Variants in SPTBN4 observed in about 807,000 individuals in gnomAD.
SPTBN4 encodes spectrin beta chain, non-erythrocytic 4.
A neutral mutation model predicts 277.8 loss-of-function variants in SPTBN4; 96 were observed. The ratio of observed to expected loss-of-function variants is 0.35; its 90% confidence interval spans 0.29 to 0.41. SPTBN4 has a LOEUF of 0.41. SPTBN4 is among the 10% of genes least tolerant of loss of function. The pLI is 1.00. For missense variants in SPTBN4, 3,006 were observed against 3,595.7 expected, an observed-to-expected ratio of 0.84 and a Z score of 4.19; for synonymous variants, 1,481 against 1,580.3, an observed-to-expected ratio of 0.94 and a Z score of 1.49.
chr19:40,556,338 C>G, intron 25 of SPTBN4, 50 bp downstream of exon 25: 1 of 1,519,932 alleles, frequency 6.6e-7, no homozygotes, highest in South Asian at 1.2e-5. Context: ...CTAAGGTTCT[C>G]TGGGCCTTAG....
chr19:40,557,399 C>T lies in SPTBN4; in HGVS notation c.5666C>T (p.Ser1889Phe), dbSNP rs1450343722. The T allele has an allele frequency of 2.6e-6, 4 of 1,557,462 alleles. No individual in the cohort carries two copies. The Admixed American group carries it at 7.5e-5, about 29-fold the overall frequency. The change falls in exon 26 of 36, where the codon TCC (serine) becomes TTC (phenylalanine). Residue 1889 changes from serine (S) to phenylalanine (F), a missense_variant. Ser to Phe is a radical substitution (Grantham distance 155, BLOSUM62 -2). This residue lies in a region of SPTBN4 where 425 missense variants were observed against 594.7 expected (regional missense o/e 0.71). Coordinates refer to ENST00000598249, the MANE Select transcript of SPTBN4 (RefSeq NM_020971.3). ...AFEHDLQLLV[S>F]QVRQLQEGAA... ...GAGCATGACCTGCAGCTCCTCGTGT[C>T]CCAGGTGGGGCGCCGGTGGCCATCA... is the stretch of plus-strand genomic sequence containing the variant.
intron 13 of SPTBN4, among the ~76,000 whole-genome samples, chr19:40,507,573 G>A (rs535759852): frequency 1.3e-5 from 2 of 152,144 alleles, no homozygotes; most frequent in African/African-American, 2.4e-5. Flanking sequence ...GGCCAGGCAC[G>A]GTGGCTCATG....
intron 22 of SPTBN4, among the ~76,000 whole-genome samples, chr19:40,553,209 GTGGC>G (rs2080938001): frequency 6.6e-6 from 1 of 152,248 alleles, no homozygotes; most frequent in Admixed American, 6.5e-5. Context: ...GCCGGGCACA[GTGGC>G]TCATGCTTAT....
Position 40,490,295 on chromosome 19 carries a change from G to A in SPTBN4, c.495+47G>A. ...CCAAGCCCCGCAACATGGGACTTAG[G>A]AAAGCGTTCCCCACCATTTACCCAT... On this transcript the variant is annotated intron_variant, in intron 4 of 35. Transcript: ENST00000598249. This position sits in a 1 kb window ranked among gnomAD's most constrained non-coding sequence, Gnocchi z 4.3. 2 of 1,577,286 alleles carry A rather than the reference G, an allele frequency of 1.3e-6. No homozygotes were observed. The highest frequency in any genetic ancestry group is 1.7e-6 in the Non-Finnish European group (2 of 1,159,216).
intron 18 of SPTBN4, chr19:40,530,610 G>T (rs2080655308): frequency 4.1e-6 from 4 of 974,196 alleles, no homozygotes; most frequent in Non-Finnish European, 4.9e-6. Context: ...GCGCCCAGGG[G>T]AGGGGGTTGG....
At chr19:40,507,402 G>C (rs534975037) in intron 13 of SPTBN4, among the ~76,000 whole-genome samples, 16 of 152,072 alleles carry the variant, frequency 1.1e-4, no homozygotes, top group African/African-American at 3.9e-4. Flanking sequence ...GCTCAAGGGT[G>C]CTTTTAGGAC....
At position 40,519,956 on chromosome 19, in the gene SPTBN4, C is replaced by T; in HGVS notation, c.3459C>T (p.Ser1153=). Residue 1153 remains serine (S), a synonymous_variant, in exon 16 of 36, where the codon AGC becomes AGT. Coordinates refer to ENST00000598249, the MANE Select transcript of SPTBN4 (RefSeq NM_020971.3). The surrounding 1 kb of genome is among the most constrained non-coding windows in gnomAD (Gnocchi z 5.7). ...ACTATGCTCGCATCGTGGCGGCCAGCGAGGCGCTGCTGGCCGCCGACGGCG... is the reference window on the plus strand; with the variant it reads ...ACTATGCTCGCATCGTGGCGGCCAGTGAGGCGCTGCTGGCCGCCGACGGCG... ...EEDYARIVAA[S]EALLAADGAE... The T allele has an allele frequency of 6.5e-7, 1 of 1,539,974 alleles. No individual in the cohort carries two copies. The highest frequency in any genetic ancestry group is 8.7e-7 in the Non-Finnish European group (1 of 1,150,784).
chr19:40,548,714 C>CAAAAAA (rs57692095), intron 20 of SPTBN4, among the ~76,000 whole-genome samples: 5 of 117,054 alleles, frequency 4.3e-5, no homozygotes, highest in African/African-American at 1.6e-4. Context: ...GACTCCATCT[C>CAAAAAA]AAAAAAAAAA....
chr19:40,528,100 ACCCTGGGAGGAT>A (rs1217274614), intron 17 of SPTBN4, among the ~76,000 whole-genome samples: 96 of 149,820 alleles, frequency 6.4e-4, no homozygotes, highest in Admixed American at 9.4e-4. Flanking sequence ...TCTCATGGAG[ACCCTGGGAGGAT>A]CTCTAAGGAC....
In SPTBN4 at chr19:40,504,081, G is replaced by T. The variant is rs1297264753; in HGVS notation, c.1614G>T (p.Gln538His). 54 of 1,543,946 alleles carry T rather than the reference G, an allele frequency of 3.5e-5. No individual in the cohort carries two copies. Among genetic ancestry groups the T allele is most frequent in the Non-Finnish European group, 4.8e-5 (54 of 1,132,890 alleles). ...GACTTGAGCAGAACCTTGCCCTGCA[G>T]AAGGTCTTCCAGGAGATGGTGTACA... is the stretch of plus-strand genomic sequence containing the variant. ...RTRLEQNLAL[Q>H]KVFQEMVYMV... The change falls in exon 12 of 36, where the codon CAG becomes CAT. Residue 538 changes from glutamine to histidine, a missense_variant. Coordinates refer to ENST00000598249, the MANE Select transcript of SPTBN4 (RefSeq NM_020971.3).
At chr19:40,572,500 T>C in intron 35 of SPTBN4, 120 bp downstream of exon 35, 2 of 1,309,086 alleles carry the variant, frequency 1.5e-6, no homozygotes, top group Non-Finnish European at 2.2e-6. Context: ...TTATCAGGGC[T>C]GTAATGGGAA....
At chr19:40,511,952 C>T (rs1349752590) in intron 13 of SPTBN4, among the ~76,000 whole-genome samples, 2 of 151,970 alleles carry the variant, frequency 1.3e-5, no homozygotes, top group Non-Finnish European at 2.9e-5. Flanking sequence ...GGTGAAACCC[C>T]GTCTCTACTA....
intron 2 of SPTBN4, among the ~76,000 whole-genome samples, chr19:40,487,209 T>C (rs2080082185): frequency 6.6e-6 from 1 of 151,906 alleles, no homozygotes; most frequent in Admixed American, 6.6e-5. Flanking sequence ...GTTAAGTTTC[T>C]TTTTGTATTT....
chr19:40,497,905 C>T (rs1186384066), intron 7 of SPTBN4, among the ~76,000 whole-genome samples: 1 of 151,756 alleles, frequency 6.6e-6, no homozygotes, highest in African/African-American at 2.4e-5. Flanking sequence ...ACACCCTCCC[C>T]AACCCTGCTT....
Position 40,513,050 on chromosome 19 carries a change from G to T in SPTBN4, c.2261G>T (p.Arg754Leu). The change falls in exon 14 of 36, where the codon CGC (arginine) becomes CTC (leucine). Residue 754 changes from arginine (R) to leucine (L), a missense_variant. Around this residue, in one of 5 missense-constraint regions of SPTBN4, gnomAD observed 1,759 missense variants for 2,061.5 expected, o/e 0.85. Transcript: ENST00000598249. ...GAGCGCGCGGCGAGCGCCCGGCGCC[G>T]CTGGCAGAGGCTGGAAGAGGCGGCG... is the stretch of plus-strand genomic sequence containing the variant. ...LAERAASARR[R>L]WQRLEEAAAR... is the part of the protein sequence containing the mutation. The T allele has an allele frequency of 1.4e-6, 2 of 1,419,496 alleles. No homozygotes were observed. The highest frequency in any genetic ancestry group is 1.8e-6 in the Non-Finnish European group (2 of 1,094,122). 87.9% of individuals were successfully genotyped at this position (1,419,496 alleles called of 1,614,324 possible). A position where few individuals can be genotyped will look rare whatever the true frequency, so the allele number is the denominator to read the frequency against.
Position 40,502,928 on chromosome 19 carries a change from TC to T in SPTBN4, c.1360del (p.Gln454ArgfsTer15). On this transcript the variant is annotated frameshift_variant, in exon 11 of 36. Coordinates refer to ENST00000598249, the MANE Select transcript of SPTBN4 (RefSeq NM_020971.3). LOFTEE classifies it high-confidence loss of function. This position sits in a 1 kb window ranked among gnomAD's most constrained non-coding sequence, Gnocchi z 4.9. The part of the protein sequence containing the change: ...SWLNENQRLV[S>X]QDNFGYELPA... ...GCTGAATGAGAACCAGCGTCTGGTC[TC>T]CCAGGTACAAGGTGTAGGGCTTGGC... is the stretch of plus-strand genomic sequence containing the variant. The T allele has an allele frequency of 6.2e-7, 1 of 1,613,626 alleles. No homozygotes were observed. Among genetic ancestry groups the T allele is most frequent in the Non-Finnish European group, 8.5e-7 (1 of 1,179,946 alleles).
chr19:40,543,616 A>T (rs76232411), intron 20 of SPTBN4, among the ~76,000 whole-genome samples: 1 of 152,066 alleles, frequency 6.6e-6, no homozygotes, highest in Non-Finnish European at 1.5e-5. Flanking sequence ...CTACCACTTA[A>T]TTTTTTAATT....
intron 2 of SPTBN4, among the ~76,000 whole-genome samples, chr19:40,475,124 A>G (rs2079932891): frequency 6.6e-6 from 1 of 152,044 alleles, no homozygotes; most frequent in East Asian, 1.9e-4. Context: ...AGAACTGTAG[A>G]CCCTTGAACC....
chr19:40,478,578 C>G (rs1462666604), intron 2 of SPTBN4, among the ~76,000 whole-genome samples: 1 of 152,018 alleles, frequency 6.6e-6, no homozygotes, highest in Non-Finnish European at 1.5e-5. Flanking sequence ...CAGAGTCTCG[C>G]TCTGTCACCC....
Sources: allele counts gnomAD v4.1 joint callset (sites outside exome capture counted in the v4.1 genomes callset), GRCh38; gene constraint gnomAD v4.1.1; regional missense constraint gnomAD v4.1.1; non-coding constraint Gnocchi (gnomAD v3.1); transcripts MANE v1.5; gene names NCBI Gene and HGNC (gene_info 2026-07-23, HGNC 2026-07-21).